SLC14A2: variants seen among roughly 807,000 people sequenced by gnomAD.
SLC14A2 encodes solute carrier family 14 member 2, also known as urea transporter 2.
In SLC14A2, 91 loss-of-function variants were observed where a neutral mutation model predicts 104.6. The observed-to-expected ratio is 0.87, with a 90% CI of 0.73 to 1.04. The LOEUF (loss-of-function observed/expected upper bound fraction) is 1.04. Among genes scored for constraint, SLC14A2 ranks in the 50% least tolerant of loss-of-function variants. The probability of loss-of-function intolerance (pLI) is 0.00; values close to 1 mark genes in which losing one functional copy is unlikely to be tolerated. For missense variants in SLC14A2, 1,189 were observed against 1,156.0 expected, an observed-to-expected ratio of 1.03 and a Z score of -0.41; for synonymous variants, 476 against 466.4, an observed-to-expected ratio of 1.02 and a Z score of -0.27.
In SLC14A2 at chr18:45,644,159, C is replaced by T. The variant is rs140835811; in HGVS notation, c.1350C>T (p.Ser450=). The change falls in exon 10 of 20, where the codon AGC becomes AGT. Residue 450 remains serine, a splice_region_variant and synonymous_variant. Transcript: ENST00000255226. ...GCGGTGAAGAAGAGAAGGCCCCCAG[C>T]GGTGAATAGCCATGTTCGGGGAAGA... is the stretch of plus-strand genomic sequence containing the variant. ...VKSGEEEKAP[S]GGGGEHPPTA... 1.5e-5 allele frequency: 24 copies of T among 1,613,954 alleles called. No homozygotes were observed. Among genetic ancestry groups the T allele is most frequent in the South Asian group, 3.3e-5 (3 of 91,072 alleles).
rs376144904 is a variant in SLC14A2, at chr18:45,462,587, TC to T, written c.-124-20643del. ...GACTGTTCCAGGTAATTGAAATGTA[TC>T]CCTTTAAGTACAGGGATAATTCTGA... On this transcript the variant is annotated intron_variant, in intron 1 of 20. Transcript: ENST00000586448. 1.4e-4 allele frequency among the ~76,000 whole-genome samples: 21 copies of T among 152,298 alleles called. No homozygotes were observed. In the East Asian group the frequency reaches 3.5e-3, roughly 25 times the overall value.
At chr18:45,662,346 A>C (rs377403122) in intron 10 of SLC14A2, among the ~76,000 whole-genome samples, 4 of 152,292 alleles carry the variant, frequency 2.6e-5, no homozygotes, top group African/African-American at 9.6e-5. Context: ...TTAATCATGC[A>C]TGCCCCACAG....
chr18:45,310,520 G>C (rs2085068062), intron 1 of SLC14A2, among the ~76,000 whole-genome samples: 1 of 152,228 alleles, frequency 6.6e-6, no homozygotes, highest in African/African-American at 2.4e-5. Flanking sequence ...GCAGGAGTTA[G>C]AATTTGGTCC....
Position 45,644,062 on chromosome 18 carries a change from C to A in SLC14A2, c.1253C>A (p.Ala418Asp), listed in dbSNP as rs778567060. 1.9e-6 allele frequency: 3 copies of A among 1,614,214 alleles called. No individual in the cohort carries two copies. Among genetic ancestry groups the A allele is most frequent in the Non-Finnish European group, 1.7e-6 (2 of 1,180,016 alleles). Residue 418 changes from alanine to aspartate, a missense_variant, in exon 10 of 20, where the codon GCC becomes GAC. By Grantham distance (126) the Ala-to-Asp change is moderately radical. Coordinates refer to ENST00000255226, the MANE Select transcript of SLC14A2 (RefSeq NM_007163.4). ...IFLLLTTNNP[A>D]IFRLPLSKVT... ...CTGCTCCTGACGACAAACAACCCAG[C>A]CATCTTCAGACTCCCACTCAGCAAA...
chr18:45,540,287 G>C (rs987882613), intron 2 of SLC14A2, among the ~76,000 whole-genome samples: 1 of 152,022 alleles, frequency 6.6e-6, no homozygotes, highest in Non-Finnish European at 1.5e-5. Context: ...TGCTCCTGCT[G>C]TTCTCAGTTA....
chr18:45,200,147 T>C, the SLC14A2 span, among the ~76,000 whole-genome samples: 3 of 152,190 alleles, frequency 2.0e-5, no homozygotes, highest in Admixed American at 2.0e-4. Context: ...TATTACATTC[T>C]TTGTGTTTGG....
At chr18:45,360,154 G>A (rs146385673) in intron 1 of SLC14A2, among the ~76,000 whole-genome samples, 1 of 152,282 alleles carries the variant, frequency 6.6e-6, no homozygotes, top group East Asian at 1.9e-4. Context: ...CAGATTCACT[G>A]TCTTCATCAA....
chr18:45,511,871 G>T (rs1170768016), intron 2 of SLC14A2, among the ~76,000 whole-genome samples: 1 of 152,156 alleles, frequency 6.6e-6, no homozygotes, highest in East Asian at 1.9e-4. Context: ...GCCTCCATCT[G>T]CACACCAGGG....
intron 1 of SLC14A2, among the ~76,000 whole-genome samples, chr18:45,307,171 C>T (rs11082441): frequency 0.15 from 22,659 of 151,928 alleles, 1,815 homozygotes; most frequent in South Asian, 0.17. Context: ...AATCCTAGCA[C>T]TTTGGGAGGC....
intron 1 of SLC14A2, among the ~76,000 whole-genome samples, chr18:45,392,723 A>T (rs1360822554): frequency 1.3e-5 from 2 of 152,228 alleles, no homozygotes; most frequent in Non-Finnish European, 2.9e-5. Context: ...TACAACTAGG[A>T]AGTTCAATCT....
the SLC14A2 span, among the ~76,000 whole-genome samples, chr18:45,181,618 TA>T: frequency 3.3e-5 from 5 of 151,922 alleles, no homozygotes; most frequent in Admixed American, 6.6e-5. Flanking sequence ...AATTCAAGCA[TA>T]AAAAAATGAC....
At chr18:45,282,169 A>G (rs1350914041) in intron 1 of SLC14A2, among the ~76,000 whole-genome samples, 1 of 152,022 alleles carries the variant, frequency 6.6e-6, no homozygotes, top group African/African-American at 2.4e-5. Context: ...GAGTCCAGAG[A>G]AGGGTTTGAG....
chr18:45,560,909 C>T (rs1225087168), intron 2 of SLC14A2, among the ~76,000 whole-genome samples: 1 of 152,062 alleles, frequency 6.6e-6, no homozygotes. Context: ...TAGAGGAAGA[C>T]CAAATTAAAC....
At chr18:45,655,662 G>A (rs141453612) in intron 10 of SLC14A2, among the ~76,000 whole-genome samples, 208 of 152,280 alleles carry the variant, frequency 1.4e-3, no homozygotes, top group African/African-American at 4.6e-3. Flanking sequence ...GCAGAAGAAG[G>A]CATAGAAGAG....
At chr18:45,377,542 A>G (rs936617053) in intron 1 of SLC14A2, among the ~76,000 whole-genome samples, 1 of 151,630 alleles carries the variant, frequency 6.6e-6, no homozygotes, top group Non-Finnish European at 1.5e-5. Flanking sequence ...TCTCCTCCCC[A>G]TTTCACTCAT....
At chr18:45,652,870 C>A (rs2045764435) in intron 10 of SLC14A2, among the ~76,000 whole-genome samples, 1 of 152,106 alleles carries the variant, frequency 6.6e-6, no homozygotes, top group Non-Finnish European at 1.5e-5. Context: ...CTTGAAGAAC[C>A]ACAGTTCCAT....
rs137855782 is a variant in SLC14A2 at position 45,337,280 on chromosome 18, C to A, written c.-125+124089C>A. 1.0e-3 allele frequency among the ~76,000 whole-genome samples: 159 copies of A among 152,108 alleles called. 1 individual carries two copies. The highest frequency in any genetic ancestry group is 3.7e-3 in the African/African-American group (155 of 41,482). ...AAATTCCTTGCAAACTGACCCATGC[C>A]GATTATTTAGTTATGGTTTGTAGAT... is the stretch of plus-strand genomic sequence containing the variant. On this transcript the variant is annotated intron_variant, in intron 1 of 20. Transcript: ENST00000586448.
At chr18:45,246,862 A>T (rs1014749595) in intron 1 of SLC14A2, among the ~76,000 whole-genome samples, 2 of 152,122 alleles carry the variant, frequency 1.3e-5, no homozygotes, top group African/African-American at 4.8e-5. Flanking sequence ...ATACAAAAAC[A>T]AAAACAAAAA....
At chr18:45,311,444 A>T (rs2085078122) in intron 1 of SLC14A2, among the ~76,000 whole-genome samples, 2 of 152,200 alleles carry the variant, frequency 1.3e-5, no homozygotes, top group Non-Finnish European at 2.9e-5. Context: ...CCAAAATCTC[A>T]GTTTTCCCAT....
Sources: allele counts gnomAD v4.1 joint callset (sites outside exome capture counted in the v4.1 genomes callset), GRCh38; gene constraint gnomAD v4.1.1; transcripts MANE v1.5; gene names NCBI Gene and HGNC (gene_info 2026-07-23, HGNC 2026-07-21).